CEP95: variants seen among roughly 807,000 people sequenced by gnomAD.
CEP95 encodes the protein centrosomal protein of 95 kDa.
CEP95 carries 98 observed loss-of-function variants against 111.2 expected under a neutral mutation model. The observed-to-expected ratio is 0.88, with a 90% CI of 0.75 to 1.04. The LOEUF (loss-of-function observed/expected upper bound fraction) is 1.04, where lower values mean the gene tolerates loss of function less well. CEP95 is among the 50% of genes least tolerant of loss of function. The pLI is 0.00. For synonymous variants in CEP95, 323 were observed against 327.1 expected (o/e 0.99, Z 0.14); for missense variants, 1,027 against 977.2 (o/e 1.05, Z -0.68).
chr17:64,532,275 C>G (rs1968333600), intron 14 of CEP95: 1 of 1,214,042 alleles, frequency 8.2e-7, no homozygotes, highest in Non-Finnish European at 1.0e-6. Context: ...CAGCGTTAGC[C>G]TCACTCGTGT....
At chr17:64,527,071 T>C (rs1555679242) in intron 10 of CEP95, 40 bp from the exon 11 acceptor site, 3 of 1,572,978 alleles carry the variant, frequency 1.9e-6, no homozygotes, top group Non-Finnish European at 2.6e-6. Flanking sequence ...TACATTCTGC[T>C]GAAATCAGTG....
chr17:64,523,531 C>A (rs1455221222), intron 8 of CEP95, among the ~76,000 whole-genome samples: 1 of 151,812 alleles, frequency 6.6e-6, no homozygotes, highest in Non-Finnish European at 1.5e-5. Context: ...CACGCCACTG[C>A]GCTCCAGCCT....
At position 64,506,977 on chromosome 17, in the gene CEP95, C is replaced by G; in HGVS notation, c.-121C>G. 2 of 1,133,340 alleles carry G rather than the reference C, an allele frequency of 1.8e-6. No individual in the cohort carries two copies. The highest frequency in any genetic ancestry group is 2.6e-6 in the Non-Finnish European group (2 of 766,872). The allele number at this position is 1,133,340 out of a possible 1,614,324, so 70.2% of individuals were successfully genotyped here. On this transcript the variant is annotated 5_prime_UTR_variant, in exon 1 of 20. Transcript: ENST00000556440. ...AACGTCCGTCCTTCTTTCACGCCTC[C>G]TTCCCCGCGCTTTGGTTCGTGCGTC...
rs782499032 is a variant in CEP95, at chr17:64,522,702, C to T, written c.716C>T (p.Thr239Met). 35 of 1,610,496 alleles carry T rather than the reference C, an allele frequency of 2.2e-5. No individual in the cohort carries two copies. Among genetic ancestry groups the T allele is most frequent in the East Asian group, 4.5e-5 (2 of 44,862 alleles). ...SKSRTSFVED[T>M]ETLSVSGIPN... ...TATCCACTTTAATTTGTCTTACTAG[C>T]GGAAACCCTTTCTGTGAGTGGGATT... The change falls in exon 8 of 20, where the codon ACG becomes ATG. Residue 239 changes from threonine to methionine, a missense_variant and splice_region_variant. By Grantham distance (81) the Thr-to-Met change is moderately conservative (BLOSUM62 -1). Transcript: ENST00000556440.
chr17:64,511,875 C>A (rs1555675159), intron 3 of CEP95, among the ~76,000 whole-genome samples: 1 of 152,210 alleles, frequency 6.6e-6, no homozygotes, highest in African/African-American at 2.4e-5. Flanking sequence ...AATCCACGTT[C>A]TTCTGCCATG....
At chr17:64,519,272 G>C in intron 5 of CEP95, 49 bp from the exon 6 acceptor site, 1 of 1,276,400 alleles carries the variant, frequency 7.8e-7, no homozygotes, top group Non-Finnish European at 1.1e-6. Flanking sequence ...CTCAGGGGAA[G>C]GGCCCTCTGG....
intron 19 of CEP95, 107 bp downstream of exon 19, chr17:64,537,219 C>A: frequency 6.6e-7 from 1 of 1,514,564 alleles, no homozygotes; most frequent in South Asian, 1.3e-5. Context: ...CATATAGCCC[C>A]GGTGTGCAGT....
At chr17:64,512,142 C>T (rs1395477799) in intron 3 of CEP95, among the ~76,000 whole-genome samples, 6 of 152,104 alleles carry the variant, frequency 3.9e-5, no homozygotes, top group African/African-American at 9.6e-5. Flanking sequence ...ATATGTGATG[C>T]GAGAAAAATG....
intron 5 of CEP95, among the ~76,000 whole-genome samples, chr17:64,518,064 G>A (rs1260906999): frequency 2.0e-5 from 3 of 151,892 alleles, no homozygotes. Context: ...TTTAGTAAAG[G>A]TGAGTTTTCA....
At chr17:64,532,488 C>T in intron 14 of CEP95, 1 of 985,402 alleles carries the variant, frequency 1.0e-6, no homozygotes, top group Admixed American at 6.1e-5. Context: ...CTACTCTATC[C>T]TTTAGACCAG....
chr17:64,528,037 G>T (rs1967996925), intron 11 of CEP95, among the ~76,000 whole-genome samples: 1 of 151,910 alleles, frequency 6.6e-6, no homozygotes, highest in African/African-American at 2.4e-5. Flanking sequence ...TAGTAGGATT[G>T]CTGGATCATA....
intron 8 of CEP95, among the ~76,000 whole-genome samples, chr17:64,524,823 T>G (rs142314038): frequency 0.051 from 7,456 of 147,456 alleles, 286 homozygotes; most frequent in Admixed American, 0.14. Context: ...ATACAAAAAT[T>G]AGCCAGGCGC....
chr17:64,529,487 G>T (rs1968109430), intron 12 of CEP95, 60 bp downstream of exon 12: 1 of 1,546,766 alleles, frequency 6.5e-7, no homozygotes, highest in African/African-American at 1.4e-5. Context: ...CCCTCAGCCA[G>T]ATGCTACCAT....
chr17:64,537,549 T>C, intron 19 of CEP95, 54 bp from the exon 20 acceptor site: 1 of 1,500,520 alleles, frequency 6.7e-7, no homozygotes, highest in East Asian at 2.3e-5. Context: ...GAACAATAGA[T>C]GAGGGCCTGG....
chr17:64,534,702 G>A lies in CEP95; in HGVS notation c.2035G>A (p.Ala679Thr), dbSNP rs782554224. 5.0e-6 allele frequency: 8 copies of A among 1,612,880 alleles called. No individual in the cohort carries two copies. The South Asian group carries it at 5.5e-5, about 11-fold the overall frequency. ...TGATGATTATAGAGTTCAGTTGTGT[G>A]CAAAAATGATGAGAATGAGGACCCG... ...YYDDYRVQLC[A>T]KMMRMRTREE... Residue 679 changes from alanine (A) to threonine (T), a missense_variant, in exon 17 of 20, where the codon GCA (alanine) becomes ACA (threonine). Physicochemically the swap from Ala to Thr is moderately conservative, Grantham distance 58. Coordinates refer to ENST00000556440, the MANE Select transcript of CEP95 (RefSeq NM_138363.3).
chr17:64,537,542 CA>C, intron 19 of CEP95, 60 bp from the exon 20 acceptor site: 2 of 1,487,014 alleles, frequency 1.3e-6, no homozygotes, highest in Non-Finnish European at 1.8e-6. Context: ...GGAGAGGGAA[CA>C]ATAGATGAGG....
At chr17:64,530,784 C>A in intron 12 of CEP95, 142 bp from the exon 13 acceptor site, 1 of 515,520 alleles carries the variant, frequency 1.9e-6, no homozygotes, top group Non-Finnish European at 3.4e-6. Context: ...CGGCTAAGAG[C>A]TTGGATGCTC....
intron 2 of CEP95, among the ~76,000 whole-genome samples, chr17:64,509,360 A>G (rs1056721521): frequency 1.3e-5 from 2 of 152,178 alleles, no homozygotes; most frequent in African/African-American, 2.4e-5. Context: ...CTTTATACCA[A>G]TAATTCTAGT....
In CEP95 at chr17:64,537,823, C is replaced by T; in HGVS notation, c.*44C>T. 2 of 1,306,814 alleles carry T rather than the reference C, an allele frequency of 1.5e-6. No homozygotes were observed. The highest frequency in any genetic ancestry group is 2.1e-6 in the Non-Finnish European group (2 of 963,638). The allele number at this position is 1,306,814 out of a possible 1,614,324, so 81.0% of individuals were successfully genotyped here. On this transcript the variant is annotated 3_prime_UTR_variant, in exon 20 of 20. Coordinates refer to ENST00000556440, the MANE Select transcript of CEP95 (RefSeq NM_138363.3). The stretch of plus-strand genomic sequence containing the variant: ...TAGGTGAAGGTTCTGGAGGCCTTTA[C>T]CAGGACAGAGCTAGAATCGAGCCAG...
Sources: allele counts gnomAD v4.1 joint callset (sites outside exome capture counted in the v4.1 genomes callset), GRCh38; gene constraint gnomAD v4.1.1; transcripts MANE v1.5; gene names NCBI Gene and HGNC (gene_info 2026-07-23, HGNC 2026-07-21).